Variants in KCNQ5 observed in about 807,000 individuals in gnomAD.
KCNQ5 encodes potassium voltage-gated channel subfamily Q member 5, also known as potassium voltage-gated channel subfamily KQT member 5.
A neutral mutation model predicts 98.2 loss-of-function variants in KCNQ5; 30 were observed. That is an observed-to-expected ratio of 0.31 (90% CI 0.23 to 0.41). The LOEUF (loss-of-function observed/expected upper bound fraction) is 0.41. Among genes scored for constraint, KCNQ5 ranks in the 10% least tolerant of loss-of-function variants. The pLI, the probability that KCNQ5 is intolerant of heterozygous loss-of-function variation, is 1.00. For missense variants in KCNQ5, 835 were observed against 1,182.5 expected (o/e 0.71, Z 4.31); for synonymous variants, 458 against 449.4 (o/e 1.02, Z -0.24).
chr6:72,764,865 A>G (rs1230220142), intron 1 of KCNQ5, among the ~76,000 whole-genome samples: 1 of 151,980 alleles, frequency 6.6e-6, no homozygotes, highest in Admixed American at 6.6e-5. Context: ...GAGTGAGAAC[A>G]TGCAATGTTT....
At chr6:72,834,666 A>T (rs919642590) in intron 1 of KCNQ5, among the ~76,000 whole-genome samples, 3 of 151,968 alleles carry the variant, frequency 2.0e-5, no homozygotes, top group African/African-American at 7.2e-5. Flanking sequence ...TTGCTGCAAG[A>T]CTCTGTTGGC....
At chr6:72,635,806 A>G (rs2098923786) in intron 1 of KCNQ5, among the ~76,000 whole-genome samples, 2 of 150,814 alleles carry the variant, frequency 1.3e-5, no homozygotes, top group Admixed American at 1.3e-4. Flanking sequence ...GATGCATTGA[A>G]TTTCTAATTA....
intron 10 of KCNQ5, among the ~76,000 whole-genome samples, chr6:73,167,160 A>C (rs568925541): frequency 6.6e-6 from 1 of 152,202 alleles, no homozygotes; most frequent in African/African-American, 2.4e-5. Flanking sequence ...TGGGTGGTCA[A>C]TCCAGCAAAC....
intron 1 of KCNQ5, among the ~76,000 whole-genome samples, chr6:72,864,033 G>A (rs968562251): frequency 2.1e-4 from 32 of 152,008 alleles, no homozygotes; most frequent in African/African-American, 7.5e-4. Flanking sequence ...GCCTCCCCGC[G>A]GCAAGTAGCT....
intron 1 of KCNQ5, among the ~76,000 whole-genome samples, chr6:72,673,532 G>A (rs1042279314): frequency 6.6e-6 from 1 of 152,102 alleles, no homozygotes; most frequent in Non-Finnish European, 1.5e-5. Context: ...AAAAGAGGTA[G>A]ACTAGGAAGA....
chr6:73,046,181 A>G (rs578068349), intron 3 of KCNQ5, among the ~76,000 whole-genome samples: 3 of 152,292 alleles, frequency 2.0e-5, no homozygotes, highest in Non-Finnish European at 2.9e-5. Context: ...ATTTTGAGAC[A>G]TCATTTTTCT....
At chr6:72,752,380 A>G (rs1044667114) in intron 1 of KCNQ5, among the ~76,000 whole-genome samples, 3 of 152,182 alleles carry the variant, frequency 2.0e-5, no homozygotes, top group African/African-American at 7.2e-5. Context: ...CCTGAAGGTA[A>G]GTAGAAATTA....
chr6:72,812,754 C>G (rs1192640465), intron 1 of KCNQ5, among the ~76,000 whole-genome samples: 1 of 152,164 alleles, frequency 6.6e-6, no homozygotes, highest in Non-Finnish European at 1.5e-5. Context: ...TAAGTGCACC[C>G]AAGCTAAATT....
chr6:72,723,147 C>T (rs114333622), intron 1 of KCNQ5, among the ~76,000 whole-genome samples: 18,466 of 152,096 alleles, frequency 0.12, 1,285 homozygotes, highest in East Asian at 0.2. Context: ...TGAGCCACCA[C>T]GCCCAGCCTG....
In KCNQ5 at chr6:72,828,772, T is replaced by C. The variant is rs577113266; in HGVS notation, c.399-175136T>C. ...TTATAATGTGGATGCCTCTTTATTT[T>C]GTTTGGTCTAATTGCTCTGGCTAGT... On this transcript the variant is annotated intron_variant, in intron 1 of 13. Transcript: ENST00000370398. Among the ~76,000 whole-genome samples the C allele has an allele frequency of 3.9e-5, 6 of 152,252 alleles. No homozygotes were observed. The East Asian group carries it at 1.2e-3, about 29-fold the overall frequency.
At chr6:72,755,584 T>C (rs1771921569) in intron 1 of KCNQ5, among the ~76,000 whole-genome samples, 2 of 152,146 alleles carry the variant, frequency 1.3e-5, no homozygotes, top group South Asian at 4.1e-4. Flanking sequence ...AAGTAATTTA[T>C]ATCATTTCAC....
chr6:73,158,392 G>A (rs1176337785), intron 10 of KCNQ5, among the ~76,000 whole-genome samples: 2 of 150,758 alleles, frequency 1.3e-5, no homozygotes, highest in Admixed American at 6.6e-5. Flanking sequence ...TCGGCCTCCC[G>A]AGTAGCTGGG....
chr6:72,624,361 CT>C (rs2098917022), intron 1 of KCNQ5, among the ~76,000 whole-genome samples: 1 of 152,098 alleles, frequency 6.6e-6, no homozygotes, highest in African/African-American at 2.4e-5. Context: ...ATGATTTTTT[CT>C]TTACAACAGT....
At chr6:72,714,408 A>C (rs1769535016) in intron 1 of KCNQ5, among the ~76,000 whole-genome samples, 1 of 152,108 alleles carries the variant, frequency 6.6e-6, no homozygotes, top group African/African-American at 2.4e-5. Flanking sequence ...TTTTGGTAGA[A>C]AGGCTCATAC....
At chr6:73,176,512 T>C (rs1318731702) in intron 11 of KCNQ5, among the ~76,000 whole-genome samples, 1 of 152,248 alleles carries the variant, frequency 6.6e-6, no homozygotes, top group Non-Finnish European at 1.5e-5. Flanking sequence ...AGTGCAAGAA[T>C]GGACTAACGC....
intron 5 of KCNQ5, among the ~76,000 whole-genome samples, chr6:73,097,690 G>A (rs1774574470): frequency 6.6e-6 from 1 of 152,152 alleles, no homozygotes; most frequent in African/African-American, 2.4e-5. Flanking sequence ...TTGTTTGGGA[G>A]AATGTAAGGA....
At chr6:73,171,397 ATCTC>A (rs748326018) in intron 11 of KCNQ5, among the ~76,000 whole-genome samples, 4 of 152,098 alleles carry the variant, frequency 2.6e-5, no homozygotes, top group Non-Finnish European at 4.4e-5. Context: ...TGGTCACCCT[ATCTC>A]TAGTGAACCT....
chr6:72,853,342 C>T (rs1777371170), intron 1 of KCNQ5, among the ~76,000 whole-genome samples: 1 of 152,084 alleles, frequency 6.6e-6, no homozygotes, highest in Admixed American at 6.6e-5. Context: ...ACATTTCTTT[C>T]CTTTTGGGAG....
Position 73,040,154 on chromosome 6 carries a change from G to A in KCNQ5, c.490-1782G>A, listed in dbSNP as rs184046414. The stretch of plus-strand genomic sequence containing the variant: ...GACCTTGGCATACCTAAGAACAATG[G>A]GCATATATCTGTCATTTGTTAAGAA... On this transcript the variant is annotated intron_variant, in intron 2 of 13. Transcript: ENST00000370398. 2.3e-3 allele frequency among the ~76,000 whole-genome samples: 347 copies of A among 152,218 alleles called. 2 individuals are homozygous for A. The highest frequency in any genetic ancestry group is 8.1e-3 in the African/African-American group (338 of 41,548).
Sources: allele counts gnomAD v4.1 joint callset (sites outside exome capture counted in the v4.1 genomes callset), GRCh38; gene constraint gnomAD v4.1.1; transcripts MANE v1.5; gene names NCBI Gene and HGNC (gene_info 2026-07-23, HGNC 2026-07-21).